The following CSMD1 variants were observed in gnomAD, a reference collection of about 807,000 sequenced individuals.
CSMD1 encodes the protein CUB and Sushi multiple domains 1.
CSMD1 carries 213 observed loss-of-function variants against 417.5 expected under a neutral mutation model. That is an observed-to-expected ratio of 0.51 (90% CI 0.46 to 0.57). CSMD1 has a LOEUF of 0.57. Ranked by LOEUF, CSMD1 falls within the 20% of genes least tolerant of loss-of-function variation. The pLI, the probability that CSMD1 is intolerant of heterozygous loss-of-function variation, is 0.00. For synonymous variants in CSMD1, 2,862 were observed against 1,736.8 expected (o/e 1.65, Z -16.11); for missense variants, 6,923 against 4,529.7 (o/e 1.53, Z -15.17).
chr8:3,018,030 T>C (rs1352048855), intron 52 of CSMD1, among the ~76,000 whole-genome samples: 1 of 152,180 alleles, frequency 6.6e-6, no homozygotes, highest in African/African-American at 2.4e-5. Flanking sequence ...ATGCAGAATA[T>C]TTTAAGTTTT....
At chr8:4,856,387 A>G (rs1192302131) in intron 1 of CSMD1, among the ~76,000 whole-genome samples, 2 of 144,584 alleles carry the variant, frequency 1.4e-5, no homozygotes, top group South Asian at 2.2e-4. Context: ...CTAACATCAT[A>G]ATGACAGGAT....
intron 1 of CSMD1, among the ~76,000 whole-genome samples, chr8:4,713,668 G>A (rs893916279): frequency 6.6e-6 from 1 of 152,096 alleles, no homozygotes; most frequent in African/African-American, 2.4e-5. Context: ...CAAAACAGAG[G>A]TCAGGACCCA....
chr8:4,210,141 C>G (rs865944553), intron 3 of CSMD1, among the ~76,000 whole-genome samples: 5 of 152,340 alleles, frequency 3.3e-5, no homozygotes, highest in Middle Eastern at 3.4e-3. Flanking sequence ...AAGCATTTCT[C>G]CTGTCACTGT....
chr8:4,651,171 T>C (rs1803869615), intron 1 of CSMD1, among the ~76,000 whole-genome samples: 1 of 152,106 alleles, frequency 6.6e-6, no homozygotes, highest in Non-Finnish European at 1.5e-5. Flanking sequence ...AAAAATCAAA[T>C]TATTGTACCA....
intron 5 of CSMD1, among the ~76,000 whole-genome samples, chr8:3,908,762 T>C (rs776577326): frequency 2.0e-5 from 3 of 152,184 alleles, no homozygotes; most frequent in Non-Finnish European, 4.4e-5. Flanking sequence ...GGCACCAAAC[T>C]GGCTTACAGG....
At chr8:4,291,668 A>G (rs534169310) in intron 3 of CSMD1, among the ~76,000 whole-genome samples, 1 of 152,312 alleles carries the variant, frequency 6.6e-6, no homozygotes, top group South Asian at 2.1e-4. Context: ...TTCCTACCAG[A>G]AAGATACAAA....
rs1277347789 is a variant in CSMD1 at position 3,439,083 on chromosome 8, A to G, written c.1562-29478T>C. Among the ~76,000 whole-genome samples the G allele has an allele frequency of 3.3e-5, 4 of 121,986 alleles. 1 individual carries two copies. The highest frequency in any genetic ancestry group is 6.5e-5 in the Non-Finnish European group (4 of 61,890). 80.0% of individuals were successfully genotyped at this position (121,986 alleles called of 152,430 possible). On this transcript the variant is annotated intron_variant, in intron 12 of 69. Coordinates refer to ENST00000635120, the MANE Select transcript of CSMD1 (RefSeq NM_033225.6). Reference sequence around the variant, plus strand: ...GGTTGCAGTGAGCCAAGATCGTGCCACTGCACTCCAGCCTGGGTGACAGAG... The same window carrying G: ...GGTTGCAGTGAGCCAAGATCGTGCCGCTGCACTCCAGCCTGGGTGACAGAG...
chr8:3,647,368 G>A (rs973511344), intron 7 of CSMD1, among the ~76,000 whole-genome samples: 20 of 117,358 alleles, frequency 1.7e-4, no homozygotes, highest in African/African-American at 6.5e-4. Context: ...CACGTAAAGT[G>A]AAATACAGCA....
At chr8:3,512,511 C>CTGGGCTGG (rs764581731) in intron 10 of CSMD1, among the ~76,000 whole-genome samples, 25 of 150,910 alleles carry the variant, frequency 1.7e-4, no homozygotes, top group Non-Finnish European at 2.1e-4. Flanking sequence ...ACATGAACGG[C>CTGGGCTGG]TGGGCTGGTG....
At chr8:3,306,584 G>GACATGCAGATTAAGGCT (rs1305344041) in intron 25 of CSMD1, among the ~76,000 whole-genome samples, 18 of 152,136 alleles carry the variant, frequency 1.2e-4, no homozygotes, top group Admixed American at 3.9e-4. Context: ...AGACGCCTGG[G>GACATGCAGATTAAGGCT]ACATGCAGAT....
intron 14 of CSMD1, among the ~76,000 whole-genome samples, chr8:3,407,608 T>G (rs907101654): frequency 1.3e-5 from 2 of 151,886 alleles, no homozygotes; most frequent in African/African-American, 4.8e-5. Context: ...GATGGATGAA[T>G]GGATGGATGG....
intron 12 of CSMD1, among the ~76,000 whole-genome samples, chr8:3,450,497 T>A (rs146230929): frequency 7.3e-4 from 109 of 149,586 alleles, no homozygotes; most frequent in African/African-American, 2.6e-3. Flanking sequence ...GTGTGTGATG[T>A]TCCCCTTCCT....
intron 3 of CSMD1, among the ~76,000 whole-genome samples, chr8:4,244,381 G>T (rs1053045641): frequency 6.6e-6 from 1 of 152,134 alleles, no homozygotes; most frequent in Non-Finnish European, 1.5e-5. Context: ...AGAAACGGAT[G>T]TTTTTATGTT....
At chr8:3,455,584 C>T (rs1205313504) in intron 12 of CSMD1, among the ~76,000 whole-genome samples, 1 of 152,206 alleles carries the variant, frequency 6.6e-6, no homozygotes, top group African/African-American at 2.4e-5. Context: ...CCACTCCAGA[C>T]CTTGTGTGCC....
chr8:4,038,429 A>T (rs1230524579), intron 3 of CSMD1, among the ~76,000 whole-genome samples: 1 of 152,220 alleles, frequency 6.6e-6, no homozygotes, highest in Non-Finnish European at 1.5e-5. Context: ...AGACACACAC[A>T]GACACAAATA....
In CSMD1 at chr8:4,675,173, T is replaced by G. The variant is rs183142426; in HGVS notation, c.86-37615A>C. ...TATATAGTTTCAGTTTTTTCTTTAG[T>G]TTTAAACCTTAGAACCTAACCTGTT... On this transcript the variant is annotated intron_variant, in intron 1 of 69. Coordinates refer to ENST00000635120, the MANE Select transcript of CSMD1 (RefSeq NM_033225.6). 6.6e-5 allele frequency among the ~76,000 whole-genome samples: 10 copies of G among 152,342 alleles called. 1 individual carries two copies. Among genetic ancestry groups the G allele is most frequent in the Admixed American group, 5.9e-4 (9 of 15,300 alleles).
chr8:4,963,265 A>C (rs1285656820), intron 1 of CSMD1, among the ~76,000 whole-genome samples: 1 of 152,092 alleles, frequency 6.6e-6, no homozygotes, highest in Non-Finnish European at 1.5e-5. Context: ...CAGTGGTGCA[A>C]TCTTGACTCA....
chr8:4,921,050 A>T (rs561868313), intron 1 of CSMD1, among the ~76,000 whole-genome samples: 2 of 150,904 alleles, frequency 1.3e-5, no homozygotes, highest in Admixed American at 1.3e-4. Flanking sequence ...GGAAGAAAGA[A>T]AAGAGAAAGA....
At chr8:4,068,655 T>C (rs1247082257) in intron 3 of CSMD1, among the ~76,000 whole-genome samples, 2 of 151,700 alleles carry the variant, frequency 1.3e-5, no homozygotes, top group Admixed American at 6.6e-5. Flanking sequence ...GAGTTTAAGA[T>C]AAAAAAAATG....
Sources: allele counts gnomAD v4.1 joint callset (sites outside exome capture counted in the v4.1 genomes callset), GRCh38; gene constraint gnomAD v4.1.1; transcripts MANE v1.5; gene names NCBI Gene and HGNC (gene_info 2026-07-23, HGNC 2026-07-21).